SPATA17: variants seen among roughly 807,000 people sequenced by gnomAD.
SPATA17 encodes spermatogenesis associated 17, also known as spermatogenesis-associated protein 17.
Under a neutral mutation model 62.2 loss-of-function variants are expected in SPATA17, and 53 were observed. That is an observed-to-expected ratio of 0.85 (90% CI 0.68 to 1.07). The LOEUF is 1.07. Among genes scored for constraint, SPATA17 ranks in the 50% least tolerant of loss-of-function variants. The pLI, the probability that SPATA17 is intolerant of heterozygous loss-of-function variation, is 0.00. For missense variants in SPATA17, 466 were observed against 425.5 expected, an observed-to-expected ratio of 1.10 and a Z score of -0.84; for synonymous variants, 146 against 146.8, an observed-to-expected ratio of 0.99 and a Z score of 0.04.
chr1:217,704,033 C>CT (rs1338135248), intron 5 of SPATA17, among the ~76,000 whole-genome samples: 3 of 151,842 alleles, frequency 2.0e-5, no homozygotes, highest in Middle Eastern at 3.4e-3. Context: ...TCTAGTTTCT[C>CT]TTTAAACATT....
chr1:217,797,464 G>T (rs1251787809), intron 8 of SPATA17, among the ~76,000 whole-genome samples: 1 of 151,780 alleles, frequency 6.6e-6, no homozygotes, highest in African/African-American at 2.4e-5. Context: ...TGTCCAGGCT[G>T]GTCTTGAACA....
chr1:217,688,586 G>T (rs1278300221), intron 5 of SPATA17, among the ~76,000 whole-genome samples: 1 of 152,144 alleles, frequency 6.6e-6, no homozygotes, highest in African/African-American at 2.4e-5. Context: ...CATTCTGAAT[G>T]TCTTATCAAT....
chr1:217,736,229 T>A (rs1672506811), intron 5 of SPATA17, among the ~76,000 whole-genome samples: 1 of 152,180 alleles, frequency 6.6e-6, no homozygotes, highest in Non-Finnish European at 1.5e-5. Flanking sequence ...GATTATATAC[T>A]TGTTTTTGCA....
rs533330851 is a variant in SPATA17 at position 217,652,971 on chromosome 1, G to A, written c.240+1793G>A. 3.7e-4 allele frequency among the ~76,000 whole-genome samples: 57 copies of A among 152,230 alleles called. 1 individual carries two copies. The highest frequency in any genetic ancestry group is 3.4e-3 in the Middle Eastern group (1 of 294). On this transcript the variant is annotated intron_variant, in intron 3 of 10. Coordinates refer to ENST00000366933, the MANE Select transcript of SPATA17 (RefSeq NM_138796.4). ...CCAGAACTGTGATTGGCACCTAGTC[G>A]GTGCTCAAAAATGGTAGTTTTTCAT...
At chr1:217,636,087 C>T (rs1400119761) in intron 1 of SPATA17, among the ~76,000 whole-genome samples, 2 of 131,362 alleles carry the variant, frequency 1.5e-5, no homozygotes, top group South Asian at 2.4e-4. Flanking sequence ...GAGCCGAGAT[C>T]GTGCCAATGC....
chr1:217,742,431 A>G (rs572809000), intron 6 of SPATA17, among the ~76,000 whole-genome samples: 7 of 152,322 alleles, frequency 4.6e-5, no homozygotes, highest in African/African-American at 1.4e-4. Context: ...ATCAAGAACT[A>G]ACAAGTTATT....
At chr1:217,821,390 C>CA (rs1674859369) in intron 9 of SPATA17, among the ~76,000 whole-genome samples, 4 of 151,900 alleles carry the variant, frequency 2.6e-5, no homozygotes, top group African/African-American at 9.6e-5. Context: ...ATATGCTTAT[C>CA]AAAAAAGTCA....
At chr1:217,776,611 G>A (rs1258245862) in intron 7 of SPATA17, among the ~76,000 whole-genome samples, 4 of 151,298 alleles carry the variant, frequency 2.6e-5, no homozygotes, top group Admixed American at 1.3e-4. Context: ...GGGTGAGGTG[G>A]GAGGATCACT....
intron 5 of SPATA17, among the ~76,000 whole-genome samples, chr1:217,718,835 TG>T (rs1672062977): frequency 6.6e-6 from 1 of 152,092 alleles, no homozygotes; most frequent in South Asian, 2.1e-4. Context: ...ATGCAAGTAC[TG>T]GCTGCCAAAC....
intron 8 of SPATA17, among the ~76,000 whole-genome samples, chr1:217,788,988 A>G (rs997054535): frequency 6.6e-6 from 1 of 152,182 alleles, no homozygotes; most frequent in Non-Finnish European, 1.5e-5. Context: ...TCAAATCCCT[A>G]GGGATTCAAG....
intron 9 of SPATA17, among the ~76,000 whole-genome samples, chr1:217,834,088 A>G (rs61827069): frequency 0.032 from 4,835 of 152,274 alleles, 113 homozygotes; most frequent in Middle Eastern, 0.065. Context: ...GGGCAGTCCC[A>G]TAAGATTATA....
intron 9 of SPATA17, among the ~76,000 whole-genome samples, chr1:217,853,311 T>C (rs1675706665): frequency 6.6e-6 from 1 of 152,202 alleles, no homozygotes; most frequent in African/African-American, 2.4e-5. Context: ...AATTATTTCA[T>C]ATTAAACTAA....
At chr1:217,650,377 T>C (rs1670281899) in intron 2 of SPATA17, among the ~76,000 whole-genome samples, 1 of 152,166 alleles carries the variant, frequency 6.6e-6, no homozygotes, top group African/African-American at 2.4e-5. Flanking sequence ...GAGAACTATT[T>C]CTTAACCTCA....
intron 4 of SPATA17, among the ~76,000 whole-genome samples, chr1:217,674,828 C>G (rs911486199): frequency 6.6e-6 from 1 of 152,160 alleles, no homozygotes; most frequent in East Asian, 1.9e-4. Context: ...AAAGTGGTCT[C>G]TCACCTGAAG....
chr1:217,793,131 T>C (rs1674040016), intron 8 of SPATA17, among the ~76,000 whole-genome samples: 1 of 152,060 alleles, frequency 6.6e-6, no homozygotes, highest in African/African-American at 2.4e-5. Flanking sequence ...AGTTAAAACC[T>C]TGGTGGTGGA....
intron 7 of SPATA17, among the ~76,000 whole-genome samples, chr1:217,781,720 T>C (rs1376378326): frequency 2.6e-5 from 4 of 152,166 alleles, no homozygotes; most frequent in Admixed American, 2.6e-4. Context: ...CAAAAAATTT[T>C]AACTTAATGA....
At chr1:217,856,862 C>T (rs1458266254) in intron 9 of SPATA17, among the ~76,000 whole-genome samples, 1 of 152,120 alleles carries the variant, frequency 6.6e-6, no homozygotes, top group Non-Finnish European at 1.5e-5. Flanking sequence ...AGGAATAATG[C>T]CGGGTGATCT....
intron 1 of SPATA17, among the ~76,000 whole-genome samples, chr1:217,633,690 C>T (rs746884413): frequency 2.2e-4 from 33 of 152,198 alleles, no homozygotes; most frequent in Admixed American, 6.5e-4. Flanking sequence ...TGTCCCAAAT[C>T]CGTTAACATG....
chr1:217,839,927 T>C (rs983659619), intron 9 of SPATA17, among the ~76,000 whole-genome samples: 7 of 152,100 alleles, frequency 4.6e-5, no homozygotes, highest in Non-Finnish European at 7.4e-5. Flanking sequence ...CTAAAGTTTA[T>C]CTATAGATTT....
Sources: allele counts gnomAD v4.1 joint callset (sites outside exome capture counted in the v4.1 genomes callset), GRCh38; gene constraint gnomAD v4.1.1; transcripts MANE v1.5; gene names NCBI Gene and HGNC (gene_info 2026-07-23, HGNC 2026-07-21).